CSMD2: variants seen among roughly 807,000 people sequenced by gnomAD.
CSMD2 encodes CUB and sushi domain-containing protein 2.
A neutral mutation model predicts 398.5 loss-of-function variants in CSMD2; 130 were observed. That is an observed-to-expected ratio of 0.33 (90% CI 0.28 to 0.38). The LOEUF (loss-of-function observed/expected upper bound fraction) is 0.38. Ranked by LOEUF, CSMD2 falls within the 10% of genes least tolerant of loss-of-function variation. The pLI is 1.00. For synonymous variants in CSMD2, 1,828 were observed against 1,908.5 expected, an observed-to-expected ratio of 0.96 and a Z score of 1.10; for missense variants, 3,829 against 4,764.9, an observed-to-expected ratio of 0.80 and a Z score of 5.78.
rs151055907 is a variant in CSMD2, at chr1:33,792,459, C to T, written c.1514G>A (p.Gly505Asp). 702 of 1,613,892 alleles carry T rather than the reference C, an allele frequency of 4.3e-4. 6 individuals carry two copies. Among genetic ancestry groups the T allele is most frequent in the Middle Eastern group, 3.5e-3 (21 of 6,060 alleles). ...RGYDTLTVGD[G>D]GQDGDQKTVL... The stretch of plus-strand genomic sequence containing the variant: ...TGTCTTCTGGTCCCCATCCTGACCA[C>T]CATCACCGACCGTCAGGGTGTCATA... The change falls in exon 11 of 71, where the codon GGT (glycine) becomes GAT (aspartate). Residue 505 changes from glycine (G) to aspartate (D), a missense_variant. Physicochemically the swap from Gly to Asp is moderately conservative, Grantham distance 94. This residue lies in a region of CSMD2 where 2,001 missense variants were observed against 2,567.1 expected (regional missense o/e 0.78). Transcript: ENST00000373381.
intron 1 of CSMD2, among the ~76,000 whole-genome samples, chr1:34,137,294 G>GAA (rs35252798): frequency 0.53 from 80,481 of 150,724 alleles, 21,907 homozygotes; most frequent in Middle Eastern, 0.6. Context: ...GTGAGTATAA[G>GAA]AAAAAAAAAG....
At chr1:33,966,527 G>A (rs890326158) in intron 3 of CSMD2, among the ~76,000 whole-genome samples, 26 of 152,194 alleles carry the variant, frequency 1.7e-4, no homozygotes, top group African/African-American at 6.3e-4. Context: ...CTCCTGTAAA[G>A]TGATAAGAAT....
At chr1:34,012,043 C>G (rs778776080) in intron 3 of CSMD2, among the ~76,000 whole-genome samples, 2 of 152,200 alleles carry the variant, frequency 1.3e-5, no homozygotes, top group Non-Finnish European at 2.9e-5. Context: ...GTTTCCTCAT[C>G]TGAAAAACTG....
intron 2 of CSMD2, among the ~76,000 whole-genome samples, chr1:34,058,952 C>A (rs1654163041): frequency 6.6e-6 from 1 of 152,194 alleles, no homozygotes; most frequent in Non-Finnish European, 1.5e-5. Flanking sequence ...GGACCTGCTG[C>A]TTCTTAGGTG....
At chr1:33,603,107 C>T (rs1640338602) in intron 42 of CSMD2, among the ~76,000 whole-genome samples, 1 of 152,006 alleles carries the variant, frequency 6.6e-6, no homozygotes, top group Admixed American at 6.5e-5. Context: ...TCTCCATTTC[C>T]TCACCTGTAA....
intron 2 of CSMD2, among the ~76,000 whole-genome samples, chr1:34,056,601 A>G (rs996924501): frequency 6.6e-6 from 1 of 152,178 alleles, no homozygotes; most frequent in African/African-American, 2.4e-5. Flanking sequence ...TACCTTACAG[A>G]GTGTTGAGAG....
chr1:33,591,938 C>T (rs554878646), intron 44 of CSMD2: 3 of 171,032 alleles, frequency 1.8e-5, no homozygotes, highest in Non-Finnish European at 3.8e-5. Context: ...ACTATTTTTA[C>T]ATTTAGATTA....
chr1:33,988,914 C>T (rs944672574), intron 3 of CSMD2, among the ~76,000 whole-genome samples: 10 of 150,984 alleles, frequency 6.6e-5, no homozygotes, highest in Admixed American at 5.9e-4. Context: ...AGGAATCATA[C>T]AACTGAGTGT....
rs1658276662 is a variant in CSMD2, at chr1:34,089,269, G to A, written c.188-76C>T. ...GCTTCTAGAGAGTCAGGAGCAATGT[G>A]TTAGCAAATCATGAACCCACTTTTC... On this transcript the variant is annotated intron_variant, in intron 1 of 70. Coordinates refer to ENST00000373381, the MANE Select transcript of CSMD2 (RefSeq NM_001281956.2). The A allele has an allele frequency of 2.9e-6, 4 of 1,380,748 alleles. No homozygotes were observed. In the South Asian group the frequency reaches 4.9e-5, roughly 17 times the overall value. The allele number at this position is 1,380,748 out of a possible 1,614,324, so 85.5% of individuals were successfully genotyped here. A position where few individuals can be genotyped will look rare whatever the true frequency, so the allele number is the denominator to read the frequency against.
At chr1:33,747,895 G>T (rs952802811) in intron 13 of CSMD2, among the ~76,000 whole-genome samples, 4 of 152,334 alleles carry the variant, frequency 2.6e-5, no homozygotes, top group South Asian at 4.1e-4. Flanking sequence ...TGCAGCCAGG[G>T]TTTGAGAACT....
intron 10 of CSMD2, among the ~76,000 whole-genome samples, chr1:33,802,000 A>C (rs562880805): frequency 1.3e-5 from 2 of 152,334 alleles, no homozygotes; most frequent in Admixed American, 6.5e-5. Flanking sequence ...TACCTACCCT[A>C]GACCCACTGA....
At chr1:34,161,744 C>T (rs925492967) in intron 1 of CSMD2, among the ~76,000 whole-genome samples, 1 of 152,078 alleles carries the variant, frequency 6.6e-6, no homozygotes, top group Non-Finnish European at 1.5e-5. Flanking sequence ...ATGAAGACCC[C>T]TTTGAAGAGA....
intron 1 of CSMD2, among the ~76,000 whole-genome samples, chr1:34,107,194 A>G (rs1232228479): frequency 6.6e-6 from 1 of 152,172 alleles, no homozygotes; most frequent in African/African-American, 2.4e-5. Context: ...AAGATGCCTG[A>G]GCTATGGCTT....
At chr1:34,137,178 C>T (rs1048337164) in intron 1 of CSMD2, among the ~76,000 whole-genome samples, 2 of 152,142 alleles carry the variant, frequency 1.3e-5, no homozygotes, top group Non-Finnish European at 2.9e-5. Context: ...TCCATCCCAT[C>T]CATCCGTCCA....
chr1:33,809,154 G>A (rs1656568405), intron 10 of CSMD2, among the ~76,000 whole-genome samples: 1 of 151,960 alleles, frequency 6.6e-6, no homozygotes, highest in South Asian at 2.1e-4. Context: ...AGGATAGAAA[G>A]AGAGGAAATA....
Position 33,919,099 on chromosome 1 carries a change from A to G in CSMD2, c.713-798T>C, listed in dbSNP as rs1264319953. The stretch of plus-strand genomic sequence containing the variant: ...TGCTCTTGGTATCACCAAAACCACC[A>G]CAGTCCAGGTGAGGCTGGATGAGAT... On this transcript the variant is annotated intron_variant, in intron 4 of 70. Coordinates refer to ENST00000373381, the MANE Select transcript of CSMD2 (RefSeq NM_001281956.2). Among the ~76,000 whole-genome samples the G allele has an allele frequency of 2.0e-5, 3 of 152,336 alleles. No individual in the cohort carries two copies. In the East Asian group the frequency reaches 5.8e-4, roughly 29 times the overall value.
chr1:33,712,628 T>A (rs574875055), intron 21 of CSMD2, among the ~76,000 whole-genome samples: 1 of 152,230 alleles, frequency 6.6e-6, no homozygotes, highest in Non-Finnish European at 1.5e-5. Context: ...AGTTAAAGAA[T>A]GAGTTTATGT....
At chr1:33,720,012 T>G (rs1571335602) in intron 19 of CSMD2, among the ~76,000 whole-genome samples, 1 of 152,218 alleles carries the variant, frequency 6.6e-6, no homozygotes, top group South Asian at 2.1e-4. Flanking sequence ...AGGTGGCAAG[T>G]TGAACTATTT....
intron 15 of CSMD2, among the ~76,000 whole-genome samples, chr1:33,734,991 G>A (rs893094878): frequency 4.6e-5 from 7 of 152,098 alleles, no homozygotes; most frequent in Admixed American, 3.3e-4. Flanking sequence ...AATTTCCGAT[G>A]TCTCCATGTG....
Sources: gnomAD v4.1 joint callset for allele counts (sites outside exome capture counted in the v4.1 genomes callset) on GRCh38, gnomAD v4.1.1 for gene constraint, gnomAD v4.1.1 regional missense constraint, MANE v1.5 for transcripts, NCBI Gene and HGNC (gene_info 2026-07-23, HGNC 2026-07-21) for gene names.